Variants in RALGPS1 observed in about 807,000 individuals in gnomAD.
The protein encoded by RALGPS1 is Ral GEF with PH domain and SH3 binding motif 1.
RALGPS1 carries 19 observed loss-of-function variants against 78.8 expected under a neutral mutation model. The observed-to-expected ratio is 0.24, with a 90% CI of 0.17 to 0.35. The LOEUF (loss-of-function observed/expected upper bound fraction) is 0.35, where lower values mean the gene tolerates loss of function less well. Ranked by LOEUF, RALGPS1 falls within the 10% of genes least tolerant of loss-of-function variation. The probability of loss-of-function intolerance (pLI) is 1.00; values close to 1 mark genes in which losing one functional copy is unlikely to be tolerated. For synonymous variants in RALGPS1, 228 were observed against 256.3 expected (o/e 0.89, Z 1.06); for missense variants, 454 against 688.3 (o/e 0.66, Z 3.81).
intron 8 of RALGPS1, among the ~76,000 whole-genome samples, chr9:127,141,286 A>T (rs1365747796): frequency 6.6e-6 from 1 of 152,186 alleles, no homozygotes; most frequent in Admixed American, 6.5e-5. Flanking sequence ...ACTGAAAAAG[A>T]GGGAAGAAGT....
At chr9:126,977,128 C>T (rs2040740675) in intron 3 of RALGPS1, among the ~76,000 whole-genome samples, 1 of 152,162 alleles carries the variant, frequency 6.6e-6, no homozygotes, top group Non-Finnish European at 1.5e-5. Flanking sequence ...GTACTTCTCT[C>T]ATTGTGGGCT....
At chr9:127,108,142 A>T (rs2054416513) in intron 8 of RALGPS1, 1 of 1,613,882 alleles carries the variant, frequency 6.2e-7, no homozygotes, top group Non-Finnish European at 8.5e-7. Context: ...AAGCTGCGCG[A>T]TGATCTCTGA....
chr9:126,930,092 A>T (rs1033604747), intron 1 of RALGPS1, among the ~76,000 whole-genome samples: 9 of 151,896 alleles, frequency 5.9e-5, no homozygotes, highest in African/African-American at 2.2e-4. Flanking sequence ...CAGCCTTCTG[A>T]GAATCTGGGA....
Position 127,052,912 on chromosome 9 carries a change from C to T in RALGPS1, c.456C>T (p.Pro152=), listed in dbSNP as rs1564490912. Residue 152 remains proline (P), a synonymous_variant, in exon 7 of 19, where the codon CCC becomes CCT. Transcript: ENST00000259351. ...MSVVSALQSA[P]IFRLTKTWAL... ...TGGTATCAGCATTACAAAGTGCTCC[C>T]ATCTTCAGGCTGACAAAAACCTGGG... 2 of 1,607,442 alleles carry T rather than the reference C, an allele frequency of 1.2e-6. No homozygotes were observed. Among genetic ancestry groups the T allele is most frequent in the East Asian group, 4.5e-5 (2 of 44,864 alleles).
intron 14 of RALGPS1, among the ~76,000 whole-genome samples, chr9:127,207,160 C>T (rs1210499563): frequency 6.6e-6 from 1 of 152,158 alleles, no homozygotes; most frequent in Non-Finnish European, 1.5e-5. Flanking sequence ...ACCACCACCA[C>T]CACCATCATC....
At position 127,062,285 on chromosome 9, in the gene RALGPS1, A is replaced by G. The variant is rs552932806; in HGVS notation, c.484-6945A>G. Among the ~76,000 whole-genome samples, 7 of 152,152 alleles carry G rather than the reference A, an allele frequency of 4.6e-5. No homozygotes were observed. The South Asian group carries it at 1.2e-3, about 27-fold the overall frequency. The stretch of plus-strand genomic sequence containing the variant: ...GCTAATTTTTTGTATTTTTTAGTAG[A>G]GACGGGGTTTCACCGTGTTTGCCAG... On this transcript the variant is annotated intron_variant, in intron 7 of 18. Transcript: ENST00000259351.
intron 8 of RALGPS1, among the ~76,000 whole-genome samples, chr9:127,075,446 AT>A (rs2050592461): frequency 6.6e-6 from 1 of 152,232 alleles, no homozygotes; most frequent in Admixed American, 6.5e-5. Context: ...TTCCACCTGC[AT>A]GCATGTCTGG....
At chr9:127,162,927 G>T (rs2059103293) in intron 8 of RALGPS1, among the ~76,000 whole-genome samples, 1 of 152,206 alleles carries the variant, frequency 6.6e-6, no homozygotes, top group Non-Finnish European at 1.5e-5. Flanking sequence ...CATCACCCTT[G>T]CTGTGAGGCC....
At chr9:126,927,990 A>G (rs148912597) in intron 1 of RALGPS1, among the ~76,000 whole-genome samples, 4 of 152,222 alleles carry the variant, frequency 2.6e-5, no homozygotes, top group Non-Finnish European at 5.9e-5. Context: ...TCTGGAACTT[A>G]TTGTTGGGGT....
At chr9:127,053,795 C>T (rs939415373) in intron 7 of RALGPS1, among the ~76,000 whole-genome samples, 2 of 152,088 alleles carry the variant, frequency 1.3e-5, no homozygotes, top group Non-Finnish European at 2.9e-5. Flanking sequence ...TGTAGGTGAT[C>T]GAAAATGAGC....
At chr9:127,067,464 G>C (rs1023554628) in intron 7 of RALGPS1, among the ~76,000 whole-genome samples, 1 of 152,196 alleles carries the variant, frequency 6.6e-6, no homozygotes, top group Admixed American at 6.5e-5. Flanking sequence ...GAACCAGGCA[G>C]GGCCTGCCCA....
chr9:127,097,951 A>G (rs1194891906), intron 8 of RALGPS1, among the ~76,000 whole-genome samples: 1 of 152,232 alleles, frequency 6.6e-6, no homozygotes, highest in Non-Finnish European at 1.5e-5. Flanking sequence ...TGAGGATGTC[A>G]TGAACCCAAG....
In RALGPS1 at chr9:127,205,866, C is replaced by G. The variant is rs116363631; in HGVS notation, c.1248-6265C>G. Among the ~76,000 whole-genome samples the G allele has an allele frequency of 6.6e-6, 1 of 152,220 alleles. No individual in the cohort carries two copies. Among genetic ancestry groups the G allele is most frequent in the Non-Finnish European group, 1.5e-5 (1 of 68,046 alleles). On this transcript the variant is annotated intron_variant, in intron 14 of 18. Coordinates refer to ENST00000259351, the MANE Select transcript of RALGPS1 (RefSeq NM_014636.3). This position sits in a 1 kb window ranked among gnomAD's most constrained non-coding sequence, Gnocchi z 4.0. The stretch of plus-strand genomic sequence containing the variant: ...CACCAGGAGAGAAGATCTGGCATAC[C>G]TGGCTTGGATCACTGGTGTTGCCCT...
chr9:126,989,747 A>G, intron 4 of RALGPS1: 2 of 1,220,726 alleles, frequency 1.6e-6, no homozygotes. Flanking sequence ...TTTTGGGACA[A>G]AGGAGGCATT....
rs1349091900 is a variant in RALGPS1, at chr9:127,034,478, C to T, written c.264C>T (p.Ala88=). ...GWSKKEKHSL[A]PNVVAFTRRF... ...GTAAGAAGGAGAAACACAGTCTTGC[C>T]CCTAACGTTGTGGCCTTTACCCGGA... Residue 88 remains alanine, a synonymous_variant, in exon 5 of 19, where the codon GCC becomes GCT. Transcript: ENST00000259351. 1 of 1,613,992 alleles carries T rather than the reference C, an allele frequency of 6.2e-7. No individual in the cohort carries two copies. Among genetic ancestry groups the T allele is most frequent in the African/African-American group, 1.3e-5 (1 of 74,876 alleles).
chr9:127,184,572 G>A (rs1367584552), intron 11 of RALGPS1, among the ~76,000 whole-genome samples: 1 of 152,210 alleles, frequency 6.6e-6, no homozygotes, highest in Non-Finnish European at 1.5e-5. Flanking sequence ...CTGAGTCCTT[G>A]GGAACCGGAT....
intron 1 of RALGPS1, among the ~76,000 whole-genome samples, chr9:126,945,446 C>T (rs2037170344): frequency 1.3e-5 from 2 of 152,176 alleles, no homozygotes; most frequent in African/African-American, 4.8e-5. Flanking sequence ...GATTTGCCTG[C>T]CTCAGCCTCC....
chr9:127,057,309 T>C (rs1391101603), intron 7 of RALGPS1, among the ~76,000 whole-genome samples: 1 of 152,206 alleles, frequency 6.6e-6, no homozygotes, highest in African/African-American at 2.4e-5. Flanking sequence ...GTGCCATCCC[T>C]GTGGGTTGCA....
intron 4 of RALGPS1, among the ~76,000 whole-genome samples, chr9:127,011,939 C>T (rs1026694252): frequency 6.6e-6 from 1 of 152,158 alleles, no homozygotes; most frequent in African/African-American, 2.4e-5. Flanking sequence ...TCCATAAACG[C>T]AAGCACCAGA....
Sources: gnomAD v4.1 joint callset for allele counts (sites outside exome capture counted in the v4.1 genomes callset) on GRCh38, gnomAD v4.1.1 for gene constraint, Gnocchi (gnomAD v3.1) non-coding constraint, MANE v1.5 for transcripts, NCBI Gene and HGNC (gene_info 2026-07-23, HGNC 2026-07-21) for gene names.